Variants in TNR observed in about 807,000 individuals in gnomAD.
TNR encodes the protein tenascin R, also known as tenascin-R.
A neutral mutation model predicts 150.4 loss-of-function variants in TNR; 45 were observed. The ratio of observed to expected loss-of-function variants is 0.30; its 90% confidence interval spans 0.24 to 0.38. The LOEUF (loss-of-function observed/expected upper bound fraction) is 0.38. Among genes scored for constraint, TNR ranks in the 10% least tolerant of loss-of-function variants. The probability of loss-of-function intolerance (pLI) is 1.00; values close to 1 mark genes in which losing one functional copy is unlikely to be tolerated. For missense variants in TNR, 1,544 were observed against 1,759.1 expected (o/e 0.88, Z 2.19); for synonymous variants, 687 against 678.4 (o/e 1.01, Z -0.20).
At chr1:175,740,979 G>A (rs1667910259) in intron 1 of TNR, among the ~76,000 whole-genome samples, 1 of 152,190 alleles carries the variant, frequency 6.6e-6, no homozygotes, top group Non-Finnish European at 1.5e-5. Context: ...CCAGCCCAGG[G>A]TTCTCTCTTT....
intron 20 of TNR, chr1:175,330,538 CT>C (rs757137876): frequency 3.6e-5 from 9 of 250,092 alleles, no homozygotes; most frequent in Non-Finnish European, 5.3e-5. Context: ...GCCCTGTCCC[CT>C]CTCACCTCCT....
intron 1 of TNR, among the ~76,000 whole-genome samples, chr1:175,537,485 C>T (rs948014970): frequency 6.6e-6 from 1 of 152,170 alleles, no homozygotes; most frequent in Non-Finnish European, 1.5e-5. Flanking sequence ...GCTCTCAGGC[C>T]ATCCTTCAAG....
chr1:175,367,851 GA>G (rs1651914510), intron 9 of TNR, among the ~76,000 whole-genome samples: 1 of 152,158 alleles, frequency 6.6e-6, no homozygotes, highest in Non-Finnish European at 1.5e-5. Context: ...GGAGCATGCA[GA>G]AGTCCTGTTG....
intron 19 of TNR, among the ~76,000 whole-genome samples, chr1:175,336,291 A>AT (rs1650248968): frequency 6.6e-6 from 1 of 152,238 alleles, no homozygotes; most frequent in Non-Finnish European, 1.5e-5. Context: ...TTAAGTGCTT[A>AT]TTTTATTTAG....
At chr1:175,418,709 C>CGA (rs1336566536) in intron 2 of TNR, among the ~76,000 whole-genome samples, 22 of 137,442 alleles carry the variant, frequency 1.6e-4, no homozygotes, top group Admixed American at 2.2e-4. Context: ...GGTGACAGAG[C>CGA]GAGAGAGAGA....
intron 1 of TNR, among the ~76,000 whole-genome samples, chr1:175,631,067 G>T (rs532023620): frequency 6.6e-6 from 1 of 152,194 alleles, no homozygotes; most frequent in Non-Finnish European, 1.5e-5. Flanking sequence ...TTTCAACGGC[G>T]CAATCTTTGT....
intron 1 of TNR, among the ~76,000 whole-genome samples, chr1:175,682,180 A>G (rs919408742): frequency 1.3e-5 from 2 of 152,200 alleles, no homozygotes; most frequent in African/African-American, 2.4e-5. Flanking sequence ...AGTAACAAAC[A>G]TAAGGACCCT....
At chr1:175,724,008 T>C (rs1326667898) in intron 1 of TNR, among the ~76,000 whole-genome samples, 1 of 152,200 alleles carries the variant, frequency 6.6e-6, no homozygotes, top group Non-Finnish European at 1.5e-5. Context: ...AAATTGATAT[T>C]GGATATATAA....
intron 1 of TNR, among the ~76,000 whole-genome samples, chr1:175,543,272 G>T (rs1660570997): frequency 2.0e-5 from 3 of 152,156 alleles, no homozygotes. Context: ...ATTCAGGAAA[G>T]CTAGAGAGCA....
At position 175,320,395 on chromosome 1, in the gene TNR, T is replaced by C. The variant is rs1263743469; in HGVS notation, c.*2962A>G. On this transcript the variant is annotated 3_prime_UTR_variant, in exon 23 of 23. Transcript: ENST00000367674. ...AAATAAAAGGAATCTATAAATCCTT[T>C]TATAGAGGGTTGAATAAGCTGATCT... 1 of 152,128 alleles carries C rather than the reference T, an allele frequency of 6.6e-6. No individual in the cohort carries two copies. Among genetic ancestry groups the C allele is most frequent in the African/African-American group, 2.4e-5 (1 of 41,426 alleles). The allele number at this position is 152,128 out of a possible 1,614,324, so 9.4% of individuals were successfully genotyped here. A position where few individuals can be genotyped will look rare whatever the true frequency, so the allele number is the denominator to read the frequency against.
At chr1:175,710,975 T>C (rs983204496) in intron 1 of TNR, among the ~76,000 whole-genome samples, 1 of 151,060 alleles carries the variant, frequency 6.6e-6, no homozygotes, top group African/African-American at 2.4e-5. Context: ...AAAGGTGATA[T>C]ACGGCACCTC....
Position 175,319,808 on chromosome 1 carries a change from A to T in TNR, c.*3549T>A, listed in dbSNP as rs1232483451. 6 of 152,164 alleles carry T rather than the reference A, an allele frequency of 3.9e-5. No homozygotes were observed. The highest frequency in any genetic ancestry group is 1.4e-4 in the African/African-American group (6 of 41,426). 9.4% of individuals were successfully genotyped at this position (152,164 alleles called of 1,614,324 possible). ...CTGACGTTTCACACGGGGTTTCAGG[A>T]GGTGACTGCCACCTTGTGGCCACAC... On this transcript the variant is annotated 3_prime_UTR_variant, in exon 23 of 23. Coordinates refer to ENST00000367674, the MANE Select transcript of TNR (RefSeq NM_003285.3).
intron 1 of TNR, among the ~76,000 whole-genome samples, chr1:175,591,124 T>G (rs573801494): frequency 2.0e-5 from 3 of 152,326 alleles, no homozygotes; most frequent in Non-Finnish European, 2.9e-5. Context: ...CACATCCTCC[T>G]GGCCACCTCC....
At chr1:175,652,249 G>A (rs887665673) in intron 1 of TNR, among the ~76,000 whole-genome samples, 2 of 150,142 alleles carry the variant, frequency 1.3e-5, no homozygotes, top group African/African-American at 4.9e-5. Context: ...GTCACCTCGA[G>A]TTGAGAAAAC....
At chr1:175,572,767 G>T (rs1661934057) in intron 1 of TNR, among the ~76,000 whole-genome samples, 1 of 150,220 alleles carries the variant, frequency 6.7e-6, no homozygotes, top group Admixed American at 6.6e-5. Context: ...TTATCATTTT[G>T]GTGTATTCCC....
chr1:175,727,544 C>G (rs1353817494), intron 1 of TNR, among the ~76,000 whole-genome samples: 1 of 152,136 alleles, frequency 6.6e-6, no homozygotes, highest in East Asian at 1.9e-4. Context: ...AGAGTAGAGT[C>G]AAGAGAGGCT....
intron 1 of TNR, among the ~76,000 whole-genome samples, chr1:175,675,206 G>A (rs1050610897): frequency 5.9e-5 from 9 of 152,158 alleles, no homozygotes; most frequent in Admixed American, 1.3e-4. Flanking sequence ...TCGGCTTGTC[G>A]CCGCTGGCTT....
chr1:175,707,397 G>A (rs1363957039), intron 1 of TNR, among the ~76,000 whole-genome samples: 5 of 152,104 alleles, frequency 3.3e-5, no homozygotes, highest in Admixed American at 6.5e-5. Flanking sequence ...TTATTTGAGT[G>A]CCTGTTTTGT....
chr1:175,539,932 G>C (rs1660438789), intron 1 of TNR, among the ~76,000 whole-genome samples: 1 of 152,142 alleles, frequency 6.6e-6, no homozygotes, highest in African/African-American at 2.4e-5. Context: ...CTTAAGGACT[G>C]CCATGGAAGA....
Sources: allele counts gnomAD v4.1 joint callset (sites outside exome capture counted in the v4.1 genomes callset), GRCh38; gene constraint gnomAD v4.1.1; transcripts MANE v1.5; gene names NCBI Gene and HGNC (gene_info 2026-07-23, HGNC 2026-07-21).